Variants in PLA2G4E observed in about 807,000 individuals in gnomAD.
The protein encoded by PLA2G4E is cytosolic phospholipase A2 epsilon.
PLA2G4E carries 84 observed loss-of-function variants against 109.1 expected under a neutral mutation model. The observed-to-expected ratio is 0.77, with a 90% confidence interval of 0.65 to 0.92. The LOEUF is 0.92. Ranked by LOEUF, PLA2G4E falls within the 40% of genes least tolerant of loss-of-function variation. The pLI, the probability that PLA2G4E is intolerant of heterozygous loss-of-function variation, is 0.00. For synonymous variants in PLA2G4E, 469 were observed against 436.1 expected, an observed-to-expected ratio of 1.08 and a Z score of -0.94; for missense variants, 1,057 against 1,076.6, an observed-to-expected ratio of 0.98 and a Z score of 0.25.
At chr15:42,047,998 G>T (rs965329452) in intron 1 of PLA2G4E, among the ~76,000 whole-genome samples, 1 of 152,178 alleles carries the variant, frequency 6.6e-6, no homozygotes, top group African/African-American at 2.4e-5. Context: ...CATAGATATG[G>T]TATAAATATT....
At chr15:42,021,822 C>T (rs563751433) in intron 1 of PLA2G4E, among the ~76,000 whole-genome samples, 1 of 152,212 alleles carries the variant, frequency 6.6e-6, no homozygotes, top group African/African-American at 2.4e-5. Context: ...TTGCCTGGGG[C>T]CCCACAACCG....
chr15:41,988,271 G>T, intron 15 of PLA2G4E, 115 bp from the exon 16 acceptor site: 1 of 673,942 alleles, frequency 1.5e-6, no homozygotes, highest in Non-Finnish European at 2.4e-6. Flanking sequence ...CTGCTCCACA[G>T]GCGGGACAGA....
intron 18 of PLA2G4E, among the ~76,000 whole-genome samples, chr15:41,985,354 A>G (rs2068123531): frequency 6.6e-6 from 1 of 152,232 alleles, no homozygotes. Context: ...TTTCCAAAGT[A>G]AATTAAAAAA....
intron 10 of PLA2G4E, chr15:41,998,065 C>G (rs1234140122): frequency 6.6e-6 from 1 of 152,236 alleles, no homozygotes; most frequent in East Asian, 1.9e-4. Flanking sequence ...GGCACAGGCC[C>G]CTGCCTTCAC....
chr15:42,028,815 A>C (rs567818838), intron 1 of PLA2G4E, among the ~76,000 whole-genome samples: 42 of 152,374 alleles, frequency 2.8e-4, no homozygotes, highest in African/African-American at 9.4e-4. Flanking sequence ...CATGACATAA[A>C]GTAAAACAAG....
At chr15:42,044,214 G>A (rs1320648829) in intron 1 of PLA2G4E, among the ~76,000 whole-genome samples, 5 of 152,170 alleles carry the variant, frequency 3.3e-5, no homozygotes, top group African/African-American at 4.8e-5. Context: ...AAAGTAACAG[G>A]GTGCTACGAA....
At chr15:42,048,388 T>C (rs746956037) in intron 1 of PLA2G4E, among the ~76,000 whole-genome samples, 4 of 152,250 alleles carry the variant, frequency 2.6e-5, no homozygotes, top group Non-Finnish European at 4.4e-5. Context: ...TTAATGGGAT[T>C]ATAGTGGATT....
intron 13 of PLA2G4E, among the ~76,000 whole-genome samples, chr15:41,990,973 G>C (rs2068237996): frequency 2.0e-5 from 3 of 151,976 alleles, no homozygotes; most frequent in Non-Finnish European, 4.4e-5. Context: ...GGTCACCCCA[G>C]TGTGCAAAGG....
chr15:42,028,089 G>A (rs996475714), intron 1 of PLA2G4E, among the ~76,000 whole-genome samples: 1 of 152,170 alleles, frequency 6.6e-6, no homozygotes, highest in Non-Finnish European at 1.5e-5. Flanking sequence ...ATTCACACAC[G>A]TTACACAGAT....
At chr15:42,040,068 G>T (rs1288031018) in intron 1 of PLA2G4E, among the ~76,000 whole-genome samples, 1 of 152,134 alleles carries the variant, frequency 6.6e-6, no homozygotes, top group Non-Finnish European at 1.5e-5. Flanking sequence ...CAGTTGTGGT[G>T]GCTTCTGTCT....
At chr15:42,000,305 G>A in intron 7 of PLA2G4E, 23 bp from the exon 8 acceptor site, 2 of 1,541,570 alleles carry the variant, frequency 1.3e-6, no homozygotes, top group South Asian at 2.4e-5. Context: ...ACAAGAGGGT[G>A]AGACCCTGGG....
chr15:42,036,427 G>A (rs1228563647), intron 1 of PLA2G4E, among the ~76,000 whole-genome samples: 1 of 152,204 alleles, frequency 6.6e-6, no homozygotes, highest in East Asian at 1.9e-4. Context: ...GTCTGAAAGT[G>A]GGAGCGGTGC....
In PLA2G4E at chr15:41,995,351, T is replaced by C; in HGVS notation, c.1247+9A>G. ...TGGGCTCCACAGACAGTGGCTCATG[T>C]CTCCTTACCAGGTGGCCCCTGATAG... On this transcript the variant is annotated intron_variant, in intron 12 of 19. Transcript: ENST00000399518. 6.2e-7 allele frequency: 1 copy of C among 1,610,334 alleles called. No homozygotes were observed. Among genetic ancestry groups the C allele is most frequent in the Non-Finnish European group, 8.5e-7 (1 of 1,177,042 alleles).
intron 15 of PLA2G4E, among the ~76,000 whole-genome samples, chr15:41,988,411 G>A (rs576119544): frequency 4.6e-5 from 7 of 152,206 alleles, no homozygotes; most frequent in Middle Eastern, 3.4e-3. Flanking sequence ...GCACAGCCCC[G>A]GCAGGGATTT....
exon 12 of PLA2G4E, chr15:41,995,423 C>T: frequency 6.2e-7 from 1 of 1,613,966 alleles, no homozygotes; most frequent in Non-Finnish European, 8.5e-7. Context: ...CTTCTGCAGC[C>T]CCAGCAGGTG....
intron 13 of PLA2G4E, 84 bp from the exon 14 acceptor site, chr15:41,990,319 CCCGCA>C: frequency 8.2e-7 from 1 of 1,214,640 alleles, no homozygotes; most frequent in Non-Finnish European, 1.2e-6. Context: ...AATCTGGACC[CCCGCA>C]GCCACTTCCT....
chr15:41,990,288 G>A (rs2068221832), intron 13 of PLA2G4E, 53 bp from the exon 14 acceptor site: 1 of 1,513,268 alleles, frequency 6.6e-7, no homozygotes, highest in Non-Finnish European at 9.1e-7. Flanking sequence ...GGGTGAGGGA[G>A]GCAGTGCAGA....
At chr15:41,983,719 G>A in exon 20 of PLA2G4E, 2 of 1,527,178 alleles carry the variant, frequency 1.3e-6, no homozygotes, top group South Asian at 2.4e-5. Flanking sequence ...TCTGATGGTA[G>A]AAGCTGACAC....
At chr15:41,985,785 G>C in intron 18 of PLA2G4E, 54 bp downstream of exon 18, 1 of 1,554,510 alleles carries the variant, frequency 6.4e-7, no homozygotes, top group Non-Finnish European at 8.7e-7. Context: ...TGACTGCGGG[G>C]CCCATCTTAG....
Sources: allele counts gnomAD v4.1 joint callset (sites outside exome capture counted in the v4.1 genomes callset), GRCh38; gene constraint gnomAD v4.1.1; transcripts MANE v1.5; gene names NCBI Gene and HGNC (gene_info 2026-07-23, HGNC 2026-07-21).